The following SH3TC1 variants were observed in gnomAD, a reference collection of about 807,000 sequenced individuals.
The protein encoded by SH3TC1 is SH3 domain and tetratricopeptide repeats 1.
In SH3TC1, 135 loss-of-function variants were observed where a neutral mutation model predicts 117.3. That is an observed-to-expected ratio of 1.15 (90% CI 1.00 to 1.33). SH3TC1 has a LOEUF of 1.33. Ranked by LOEUF, SH3TC1 falls within the 40% of genes most tolerant of loss-of-function variation. SH3TC1 has a pLI of 0.00. For synonymous variants in SH3TC1, 898 were observed against 816.9 expected, an observed-to-expected ratio of 1.10 and a Z score of -1.69; for missense variants, 2,092 against 1,794.3, an observed-to-expected ratio of 1.17 and a Z score of -3.00.
upstream of SH3TC1, among the ~76,000 whole-genome samples, chr4:8,196,226 C>T (rs539194642): frequency 9.8e-5 from 15 of 152,328 alleles, no homozygotes; most frequent in Admixed American, 2.6e-4. The surrounding 1 kb of genome is among the most constrained non-coding windows in gnomAD (Gnocchi z 4.6). Flanking sequence ...CGTCCCCACC[C>T]GCCTGACACC....
Position 8,225,236 on chromosome 4 carries a change from C to T in SH3TC1, c.1285+20C>T, listed in dbSNP as rs1720350539. On this transcript the variant is annotated intron_variant, in intron 11 of 17. Coordinates refer to ENST00000245105, the MANE Select transcript of SH3TC1 (RefSeq NM_018986.5). The surrounding 1 kb of genome is among the most constrained non-coding windows in gnomAD (Gnocchi z 5.5). Reference sequence around the variant, plus strand: ...AAAAAGGTGGGTTTTGCCAGTGGCTCAGGCTTCCTCTGGTTATGAGCTGGG... The same window carrying T: ...AAAAAGGTGGGTTTTGCCAGTGGCTTAGGCTTCCTCTGGTTATGAGCTGGG... The T allele has an allele frequency of 1.2e-6, 2 of 1,610,790 alleles. No individual in the cohort carries two copies. Among genetic ancestry groups the T allele is most frequent in the African/African-American group, 1.3e-5 (1 of 74,868 alleles).
chr4:8,236,753 C>A, intron 16 of SH3TC1: 1 of 296,320 alleles, frequency 3.4e-6, no homozygotes. Context: ...GTGGCACATT[C>A]CCTTTCTCTT....
chr4:8,214,618 G>A lies in SH3TC1; in HGVS notation c.481+38G>A, dbSNP rs181814721. The A allele has an allele frequency of 1.5e-4, 237 of 1,546,340 alleles. 1 individual carries two copies. In the African/African-American group the frequency reaches 2.5e-3, roughly 16 times the overall value. ...CCCTCCCAGAATTGGTCATGGGGAC[G>A]CCCGTCGGAAGGTGCTGGTTACACA... On this transcript the variant is annotated intron_variant, in intron 5 of 17. Transcript: ENST00000245105.
rs371377040 is a variant in SH3TC1 at position 8,228,365 on chromosome 4, C to T, written c.2671C>T (p.Arg891Trp). 91 of 1,611,384 alleles carry T rather than the reference C, an allele frequency of 5.6e-5. No homozygotes were observed. Among genetic ancestry groups the T allele is most frequent in the Non-Finnish European group, 6.7e-5 (79 of 1,179,522 alleles). The change falls in exon 12 of 18, where the codon CGG (arginine) becomes TGG (tryptophan). Residue 891 changes from arginine (R) to tryptophan (W), a missense_variant. Transcript: ENST00000245105. ...AGCTGAGAGCTACTACCGCGCCCTG[C>T]GGGTGGCTCGGGACCTGGGCCAGCA... ...QAAESYYRAL[R>W]VARDLGQQRN...
At position 8,217,019 on chromosome 4, in the gene SH3TC1, G is replaced by A; in HGVS notation, c.691G>A (p.Gly231Arg). 1 of 1,613,884 alleles carries A rather than the reference G, an allele frequency of 6.2e-7. No individual in the cohort carries two copies. Among genetic ancestry groups the A allele is most frequent in the Non-Finnish European group, 8.5e-7 (1 of 1,179,908 alleles). ...AGTGATGACGGGTCCCCGGGATGCA[G>A]GAAATGGCCCCCAGGCCCTCAGGCA... ...VRVMTGPRDAGNGPQALRQAS... is the reference protein window; with the variant it reads ...VRVMTGPRDARNGPQALRQAS... Residue 231 changes from glycine (G) to arginine (R), a missense_variant, in exon 7 of 18, where the codon GGA becomes AGA. By Grantham distance (125) the Gly-to-Arg change is moderately radical. Coordinates refer to ENST00000245105, the MANE Select transcript of SH3TC1 (RefSeq NM_018986.5).
At chr4:8,232,668 C>T (rs1412969614) in intron 13 of SH3TC1, 16 of 1,292,678 alleles carry the variant, frequency 1.2e-5, no homozygotes, top group African/African-American at 1.5e-5. Flanking sequence ...GCATCCTGAC[C>T]TGGTGGGGTA....
At chr4:8,191,832 G>A (rs576616396) in intron 1 of SH3TC1, among the ~76,000 whole-genome samples, 5 of 152,092 alleles carry the variant, frequency 3.3e-5, no homozygotes, top group African/African-American at 1.2e-4. Flanking sequence ...GAAACACTGC[G>A]TTCAGCAGAG....
At position 8,209,382 on chromosome 4, in the gene SH3TC1, T is replaced by G. The variant is rs1718456323; in HGVS notation, c.173-366T>G. Among the ~76,000 whole-genome samples the G allele has an allele frequency of 6.6e-6, 1 of 152,074 alleles. No individual in the cohort carries two copies. The highest frequency in any genetic ancestry group is 2.4e-5 in the African/African-American group (1 of 41,394). ...AGTGGCGGCCACAAGCCGAGGGACG[T>G]GTGCGGCCTCTTGAAGGCGAGGAGT... On this transcript the variant is annotated intron_variant, in intron 2 of 17. Transcript: ENST00000245105. This position sits in a 1 kb window ranked among gnomAD's most constrained non-coding sequence, Gnocchi z 5.9.
Position 8,205,747 on chromosome 4 carries a change from C to T in SH3TC1, c.172+381C>T. 1.5e-6 allele frequency: 1 copy of T among 679,414 alleles called. No homozygotes were observed. Among genetic ancestry groups the T allele is most frequent in the Admixed American group, 2.1e-5 (1 of 48,758 alleles). The allele number at this position is 679,414 out of a possible 1,614,324, so 42.1% of individuals were successfully genotyped here. A position where few individuals can be genotyped will look rare whatever the true frequency, so the allele number is the denominator to read the frequency against. ...GGCATCCTCGTTCTCCAGGAGGCAC[C>T]CAAGGTGCAGAGAGGGAAGGGCCGG... On this transcript the variant is annotated intron_variant, in intron 2 of 17. Coordinates refer to ENST00000245105, the MANE Select transcript of SH3TC1 (RefSeq NM_018986.5). This position sits in a 1 kb window ranked among gnomAD's most constrained non-coding sequence, Gnocchi z 5.4.
intron 1 of SH3TC1, among the ~76,000 whole-genome samples, chr4:8,202,707 C>T (rs956843505): frequency 6.6e-6 from 1 of 152,162 alleles, no homozygotes. Context: ...CGGCTGAGGC[C>T]CTGCACTCTG....
chr4:8,211,856 G>A (rs989948959), intron 3 of SH3TC1, among the ~76,000 whole-genome samples: 19 of 152,118 alleles, frequency 1.2e-4, no homozygotes, highest in African/African-American at 3.6e-4. Context: ...CCACCCCTGC[G>A]GAAGATTCCG....
intron 10 of SH3TC1, chr4:8,224,477 G>C (rs1720274766): frequency 6.6e-6 from 1 of 152,354 alleles, no homozygotes; most frequent in Non-Finnish European, 1.5e-5. Context: ...TCATAAGTGG[G>C]GGTGTTGCAG....
intron 1 of SH3TC1, among the ~76,000 whole-genome samples, chr4:8,187,633 C>A (rs1490086724): frequency 2.0e-5 from 3 of 151,374 alleles, no homozygotes; most frequent in Non-Finnish European, 2.9e-5. Context: ...CTCACTGCAA[C>A]TTCCGCCTTC....
At chr4:8,184,192 C>T (rs932211947) in intron 1 of SH3TC1, among the ~76,000 whole-genome samples, 2 of 152,222 alleles carry the variant, frequency 1.3e-5, no homozygotes, top group Non-Finnish European at 2.9e-5. Context: ...TTCATACTGA[C>T]GTCTCCAACT....
chr4:8,227,079 A>G lies in SH3TC1; in HGVS notation c.1385A>G (p.Glu462Gly). The G allele has an allele frequency of 6.2e-7, 1 of 1,611,094 alleles. No homozygotes were observed. The highest frequency in any genetic ancestry group is 1.1e-5 in the South Asian group (1 of 90,902). Residue 462 changes from glutamate (E) to glycine (G), a missense_variant, in exon 12 of 18, where the codon GAG becomes GGG. Coordinates refer to ENST00000245105, the MANE Select transcript of SH3TC1 (RefSeq NM_018986.5). The part of the protein sequence containing the change: ...QCKTCPGCPQ[E>G]PASWGLCAAS... ...AAGACCTGCCCAGGCTGCCCCCAGGAGCCAGCGTCCTGGGGTCTCTGTGCG... is the reference window on the plus strand; with the variant it reads ...AAGACCTGCCCAGGCTGCCCCCAGGGGCCAGCGTCCTGGGGTCTCTGTGCG...
rs373034762 is a variant in SH3TC1 at position 8,228,278 on chromosome 4, G to A, written c.2584G>A (p.Glu862Lys). 3 of 1,612,430 alleles carry A rather than the reference G, an allele frequency of 1.9e-6. No homozygotes were observed. The highest frequency in any genetic ancestry group is 3.3e-5 in the Admixed American group (2 of 60,016). Residue 862 changes from glutamate to lysine, a missense_variant, in exon 12 of 18, where the codon GAG becomes AAG. Transcript: ENST00000245105. ...RDAVVASEDQ[E>K]GVIANMVAVA... Reference sequence around the variant, plus strand: ...TGCAGTGGTGGCCAGCGAGGACCAGGAGGGCGTGATTGCCAACATGGTGGC... The same window carrying A: ...TGCAGTGGTGGCCAGCGAGGACCAGAAGGGCGTGATTGCCAACATGGTGGC...
At chr4:8,212,446 C>T (rs11737358) in intron 3 of SH3TC1, among the ~76,000 whole-genome samples, 42,339 of 152,074 alleles carry the variant, frequency 0.28, 6,476 homozygotes, top group Middle Eastern at 0.39. Flanking sequence ...GACATGAGTC[C>T]ACTTGTCCCC....
At chr4:8,226,646 G>T (rs1012777965) in intron 11 of SH3TC1, among the ~76,000 whole-genome samples, 2 of 152,222 alleles carry the variant, frequency 1.3e-5, no homozygotes, top group Non-Finnish European at 1.5e-5. Flanking sequence ...AAAGGGAAAG[G>T]CATCTCTGAG....
At chr4:8,215,926 G>A (rs911470107) in intron 5 of SH3TC1, among the ~76,000 whole-genome samples, 185 bp from the exon 6 acceptor site, 2 of 105,326 alleles carry the variant, frequency 1.9e-5, no homozygotes, top group Non-Finnish European at 4.0e-5. Context: ...CTCACAGCCC[G>A]GGTGGTCAGG....
Sources: allele counts gnomAD v4.1 joint callset (sites outside exome capture counted in the v4.1 genomes callset), GRCh38; gene constraint gnomAD v4.1.1; non-coding constraint Gnocchi (gnomAD v3.1); transcripts MANE v1.5; gene names NCBI Gene and HGNC (gene_info 2026-07-23, HGNC 2026-07-21).